FKBP1A: variants seen among roughly 807,000 people sequenced by gnomAD.
FKBP1A encodes the protein FKBP prolyl isomerase 1A, also known as peptidyl-prolyl cis-trans isomerase FKBP1A.
A neutral mutation model predicts 14.2 loss-of-function variants in FKBP1A; 5 were observed. The ratio of observed to expected loss-of-function variants is 0.35; its 90% CI spans 0.18 to 0.74. The LOEUF is 0.74. FKBP1A is among the 30% of genes least tolerant of loss of function. The pLI is 0.56. For synonymous variants in FKBP1A, 42 were observed against 49.1 expected (o/e 0.86, Z 0.60); for missense variants, 53 against 138.8 (o/e 0.38, Z 3.10).
chr20:1,370,402 C>T, intron 4 of FKBP1A: 1 of 983,416 alleles, frequency 1.0e-6, no homozygotes, highest in Non-Finnish European at 1.2e-6. Flanking sequence ...TACATATAGG[C>T]ATCACCTGGG....
chr20:1,380,495 T>C (rs1164051777), intron 2 of FKBP1A, among the ~76,000 whole-genome samples: 5 of 152,302 alleles, frequency 3.3e-5, no homozygotes, highest in Non-Finnish European at 7.3e-5. Context: ...GAGAAGCTCA[T>C]GATTGACAAA....
At chr20:1,376,269 G>A (rs776995237) in intron 2 of FKBP1A, among the ~76,000 whole-genome samples, 4 of 152,234 alleles carry the variant, frequency 2.6e-5, no homozygotes, top group Non-Finnish European at 5.9e-5. Context: ...AACCTGGGGC[G>A]TAAAGCTGGC....
At chr20:1,377,266 G>A (rs2089557089) in intron 2 of FKBP1A, 1 of 152,212 alleles carries the variant, frequency 6.6e-6, no homozygotes, top group African/African-American at 2.4e-5. Flanking sequence ...ACTGGACTAT[G>A]TGGACTTTAA....
intron 2 of FKBP1A, among the ~76,000 whole-genome samples, chr20:1,389,503 C>T (rs2089708430): frequency 6.6e-6 from 1 of 152,140 alleles, no homozygotes; most frequent in Admixed American, 6.5e-5. Context: ...TTGAGGGAGG[C>T]TGCAGCAAAG....
At chr20:1,376,910 T>A (rs2089552670) in intron 2 of FKBP1A, 1 of 152,130 alleles carries the variant, frequency 6.6e-6, no homozygotes, top group Non-Finnish European at 1.5e-5. Flanking sequence ...AACTTCCTTT[T>A]CAAAAACACC....
intron 2 of FKBP1A, among the ~76,000 whole-genome samples, chr20:1,388,257 C>G (rs2089690638): frequency 6.6e-6 from 1 of 152,130 alleles, no homozygotes; most frequent in South Asian, 2.1e-4. Context: ...TAAACAATAC[C>G]ATGAGAAAAC....
intron 4 of FKBP1A, chr20:1,371,292 G>T: frequency 2.4e-6 from 2 of 847,114 alleles, no homozygotes; most frequent in Non-Finnish European, 2.8e-6. Flanking sequence ...AATGAGGGTG[G>T]AAGAGGGGAA....
intron 2 of FKBP1A, among the ~76,000 whole-genome samples, chr20:1,388,748 G>A: frequency 1.4e-5 from 1 of 70,940 alleles, no homozygotes; most frequent in South Asian, 6.0e-4. Context: ...AGCGTGGGTT[G>A]GGGGGGCGGG....
intron 2 of FKBP1A, among the ~76,000 whole-genome samples, chr20:1,392,113 GTC>G (rs1421158886): frequency 1.3e-5 from 2 of 152,334 alleles, no homozygotes; most frequent in South Asian, 2.1e-4. Flanking sequence ...GACGAGAAAA[GTC>G]TCTACTTCTA....
intron 2 of FKBP1A, chr20:1,391,675 A>G (rs2089738635): frequency 5.0e-6 from 2 of 398,534 alleles, no homozygotes; most frequent in Non-Finnish European, 8.8e-6. Flanking sequence ...TTTGGAAGAG[A>G]AAGGTGGAGC....
chr20:1,389,735 C>T (rs2089711042), intron 2 of FKBP1A, among the ~76,000 whole-genome samples: 1 of 152,198 alleles, frequency 6.6e-6, no homozygotes, highest in Non-Finnish European at 1.5e-5. Flanking sequence ...AGGCACACGG[C>T]CTGCTGAAGT....
intron 4 of FKBP1A, chr20:1,370,589 A>G (rs1204768720): frequency 1.0e-6 from 1 of 985,316 alleles, no homozygotes; most frequent in Non-Finnish European, 1.2e-6. Flanking sequence ...AAATATCTCC[A>G]GTATTCATTC....
chr20:1,381,784 CAAAAT>C (rs1168003378), intron 2 of FKBP1A, among the ~76,000 whole-genome samples: 2 of 152,042 alleles, frequency 1.3e-5, no homozygotes, highest in Non-Finnish European at 2.9e-5. Flanking sequence ...AGATGAATCT[CAAAAT>C]AATTATACCA....
intron 2 of FKBP1A, among the ~76,000 whole-genome samples, chr20:1,383,160 G>A (rs2089634558): frequency 6.6e-6 from 1 of 152,096 alleles, no homozygotes; most frequent in Non-Finnish European, 1.5e-5. Flanking sequence ...CTTTGGGGAA[G>A]GGCAGAGTGC....
intron 2 of FKBP1A, among the ~76,000 whole-genome samples, chr20:1,392,126 G>A (rs1428753329): frequency 6.6e-6 from 1 of 152,246 alleles, no homozygotes; most frequent in South Asian, 2.1e-4. Context: ...TCTACTTCTA[G>A]AAGAGCTGGG....
At chr20:1,380,632 C>T (rs2089607107) in intron 2 of FKBP1A, among the ~76,000 whole-genome samples, 1 of 152,130 alleles carries the variant, frequency 6.6e-6, no homozygotes, top group Non-Finnish European at 1.5e-5. Flanking sequence ...TTCCGGGTAA[C>T]TTAAATGCTT....
chr20:1,370,560 A>C (rs1387587926), intron 4 of FKBP1A: 3 of 985,312 alleles, frequency 3.0e-6, no homozygotes, highest in Non-Finnish European at 3.6e-6. Context: ...GGTCATTCAT[A>C]ATGTTGAGTA....
At chr20:1,390,342 G>A (rs2089718794) in intron 2 of FKBP1A, among the ~76,000 whole-genome samples, 1 of 136,688 alleles carries the variant, frequency 7.3e-6, no homozygotes, top group African/African-American at 2.7e-5. Context: ...AGAGAAGCTG[G>A]CCATGGGGAG....
chr20:1,383,937 G>A (rs565797043), intron 2 of FKBP1A, among the ~76,000 whole-genome samples: 1 of 152,134 alleles, frequency 6.6e-6, no homozygotes, highest in Non-Finnish European at 1.5e-5. Context: ...AACATTCCCA[G>A]ATGGGCGTAT....
Sources: gnomAD v4.1 joint callset for allele counts (sites outside exome capture counted in the v4.1 genomes callset) on GRCh38, gnomAD v4.1.1 for gene constraint, MANE v1.5 for transcripts, NCBI Gene and HGNC (gene_info 2026-07-23, HGNC 2026-07-21) for gene names.